The following THSD7B variants were observed in gnomAD, a reference collection of about 807,000 sequenced individuals.
The protein encoded by THSD7B is thrombospondin type-1 domain-containing protein 7B.
A neutral mutation model predicts 213.6 loss-of-function variants in THSD7B; 138 were observed. The ratio of observed to expected loss-of-function variants is 0.65; its 90% CI spans 0.56 to 0.74. The LOEUF (loss-of-function observed/expected upper bound fraction) is 0.74. Among genes scored for constraint, THSD7B ranks in the 30% least tolerant of loss-of-function variants. The probability of loss-of-function intolerance (pLI) is 0.00; values close to 1 mark genes in which losing one functional copy is unlikely to be tolerated. For missense variants in THSD7B, 1,931 were observed against 1,991.5 expected, an observed-to-expected ratio of 0.97 and a Z score of 0.58; for synonymous variants, 742 against 687.0, an observed-to-expected ratio of 1.08 and a Z score of -1.25.
chr2:137,499,583 G>A (rs1382976080), intron 15 of THSD7B, among the ~76,000 whole-genome samples: 1 of 152,156 alleles, frequency 6.6e-6, no homozygotes, highest in Non-Finnish European at 1.5e-5. Flanking sequence ...AAGAGTACTA[G>A]CCTTTCAACA....
chr2:136,975,996 T>C (rs1164199886), intron 2 of THSD7B, among the ~76,000 whole-genome samples: 1 of 152,220 alleles, frequency 6.6e-6, no homozygotes, highest in Non-Finnish European at 1.5e-5. Context: ...TTCTCTGTTT[T>C]TGATGTATAG....
At chr2:137,370,182 T>C (rs1275296712) in intron 12 of THSD7B, among the ~76,000 whole-genome samples, 6 of 152,140 alleles carry the variant, frequency 3.9e-5, no homozygotes, top group Non-Finnish European at 8.8e-5. Context: ...GGTATGCTAT[T>C]TCGTATACTT....
At chr2:137,336,108 C>CA (rs1053186611) in intron 12 of THSD7B, among the ~76,000 whole-genome samples, 1 of 97,054 alleles carries the variant, frequency 1.0e-5, no homozygotes, top group Non-Finnish European at 2.8e-5. Flanking sequence ...GGGAAGTCCA[C>CA]AATTAACAGT....
At chr2:137,482,138 C>A (rs1688323736) in intron 15 of THSD7B, among the ~76,000 whole-genome samples, 1 of 151,114 alleles carries the variant, frequency 6.6e-6, no homozygotes. Flanking sequence ...CGAGATATTG[C>A]CACTGCATTC....
At chr2:137,077,439 C>G (rs1312135951) in intron 3 of THSD7B, among the ~76,000 whole-genome samples, 1 of 152,170 alleles carries the variant, frequency 6.6e-6, no homozygotes, top group Non-Finnish European at 1.5e-5. Context: ...TACATTCTCA[C>G]CAACAGTGTA....
chr2:137,233,880 C>A (rs1022336306), intron 9 of THSD7B, among the ~76,000 whole-genome samples: 1 of 152,142 alleles, frequency 6.6e-6, no homozygotes, highest in Non-Finnish European at 1.5e-5. Context: ...TATAGAGAGA[C>A]TTGTGACTGT....
intron 1 of THSD7B, among the ~76,000 whole-genome samples, chr2:136,873,150 T>C (rs916021862): frequency 6.6e-6 from 1 of 152,118 alleles, no homozygotes; most frequent in Non-Finnish European, 1.5e-5. Flanking sequence ...TTATCTGTTA[T>C]GTCCAGTGGC....
At chr2:137,629,706 G>C (rs1390781283) in intron 20 of THSD7B, among the ~76,000 whole-genome samples, 1 of 152,168 alleles carries the variant, frequency 6.6e-6, no homozygotes, top group Non-Finnish European at 1.5e-5. Context: ...TTGGAGAAAT[G>C]AAGTTGCATA....
chr2:137,283,178 G>A lies in THSD7B; in HGVS notation c.2500+7152G>A, dbSNP rs192154480. ...ATTCTCTTTGAAGCAATTGTGAATG[G>A]CAGTTCACTCATGATTTGGCTCTCT... On this transcript the variant is annotated intron_variant, in intron 12 of 27. Coordinates refer to ENST00000409968, the MANE Select transcript of THSD7B (RefSeq NM_001316349.2). Among the ~76,000 whole-genome samples the A allele has an allele frequency of 2.6e-4, 39 of 152,204 alleles. No individual in the cohort carries two copies. The East Asian group carries it at 7.5e-3, about 29-fold the overall frequency.
At chr2:136,783,658 A>C (rs1033562789) in intron 1 of THSD7B, among the ~76,000 whole-genome samples, 1 of 152,136 alleles carries the variant, frequency 6.6e-6, no homozygotes. Flanking sequence ...CCCACCCGCA[A>C]TCTCCTGCCA....
At position 136,850,910 on chromosome 2, in the gene THSD7B, T is replaced by C. The variant is rs941482129; in HGVS notation, c.-35-31234T>C. Among the ~76,000 whole-genome samples the C allele has an allele frequency of 9.2e-5, 14 of 152,188 alleles. No homozygotes were observed. In the South Asian group the frequency reaches 2.5e-3, roughly 27 times the overall value. ...GTCTTAAACTATCATTATTTTGAACTCAGCCAGGAGTGATAATTTAGCTGG... is the reference window on the plus strand; with the variant it reads ...GTCTTAAACTATCATTATTTTGAACCCAGCCAGGAGTGATAATTTAGCTGG... On this transcript the variant is annotated intron_variant, in intron 1 of 27. Coordinates refer to ENST00000409968, the MANE Select transcript of THSD7B (RefSeq NM_001316349.2).
chr2:137,184,886 T>C (rs1680522305), intron 7 of THSD7B, among the ~76,000 whole-genome samples: 1 of 152,224 alleles, frequency 6.6e-6, no homozygotes, highest in African/African-American at 2.4e-5. Flanking sequence ...ATATGAGGCT[T>C]CATTCTACTC....
In THSD7B at chr2:137,676,822, A is replaced by T; in HGVS notation, c.*217A>T. On this transcript the variant is annotated 3_prime_UTR_variant, in exon 28 of 28. Transcript: ENST00000409968. ...TTCAAGTTGTTTGTGGGTGTGTTTT[A>T]TTTTTTTGGTTTTCCCAAGGGACCT... 2.5e-6 allele frequency: 1 copy of T among 403,532 alleles called. No homozygotes were observed. Among genetic ancestry groups the T allele is most frequent in the Non-Finnish European group, 4.2e-6 (1 of 236,924 alleles). 25.0% of individuals were successfully genotyped at this position (403,532 alleles called of 1,614,324 possible). A position where few individuals can be genotyped will look rare whatever the true frequency, so the allele number is the denominator to read the frequency against.
chr2:137,588,076 T>G (rs1681779562), intron 17 of THSD7B, among the ~76,000 whole-genome samples: 1 of 152,182 alleles, frequency 6.6e-6, no homozygotes, highest in Non-Finnish European at 1.5e-5. Flanking sequence ...TGCAGTTTGA[T>G]CTCAGACTGC....
At chr2:136,811,290 G>A (rs1682370309) in intron 1 of THSD7B, among the ~76,000 whole-genome samples, 1 of 152,072 alleles carries the variant, frequency 6.6e-6, no homozygotes, top group Non-Finnish European at 1.5e-5. Context: ...GATAGATGTA[G>A]GGAGTAGCAT....
chr2:136,817,721 CA>C (rs2104935258), intron 1 of THSD7B, among the ~76,000 whole-genome samples: 1 of 151,954 alleles, frequency 6.6e-6, no homozygotes, highest in South Asian at 2.1e-4. Flanking sequence ...ACAACCCCAT[CA>C]AAAAGTGGGC....
At chr2:137,614,756 T>C (rs183675801) in intron 17 of THSD7B, among the ~76,000 whole-genome samples, 5 of 152,204 alleles carry the variant, frequency 3.3e-5, no homozygotes, top group African/African-American at 1.2e-4. Flanking sequence ...AAGTACAAAA[T>C]CACATGGATA....
Position 136,983,371 on chromosome 2 carries a change from G to GACACACACACACACACA in THSD7B, c.140-73049_140-73048insACACACACACACACACA, listed in dbSNP as rs1398395384. ...CACAGACACACAGACACACACACAC[G>GACACACACACACACACA]CACACACACTCACTCTCTCTCTCTC... On this transcript the variant is annotated intron_variant, in intron 2 of 27. Transcript: ENST00000409968. 5.9e-3 allele frequency among the ~76,000 whole-genome samples: 834 copies of GACACACACACACACACA among 141,188 alleles called. 21 individuals carry two copies. Among genetic ancestry groups the GACACACACACACACACA allele is most frequent in the Admixed American group, 0.031 (439 of 13,948 alleles). 92.6% of individuals were successfully genotyped at this position (141,188 alleles called of 152,430 possible). A position where few individuals can be genotyped will look rare whatever the true frequency, so the allele number is the denominator to read the frequency against.
intron 17 of THSD7B, among the ~76,000 whole-genome samples, chr2:137,602,283 T>C (rs1374673778): frequency 1.3e-5 from 2 of 151,760 alleles, no homozygotes; most frequent in Non-Finnish European, 1.5e-5. Context: ...TTTTGTATTA[T>C]TTTTTAAGAT....
Sources: allele counts gnomAD v4.1 joint callset (sites outside exome capture counted in the v4.1 genomes callset), GRCh38; gene constraint gnomAD v4.1.1; transcripts MANE v1.5; gene names NCBI Gene and HGNC (gene_info 2026-07-23, HGNC 2026-07-21).